PPP3CA: variants seen among roughly 807,000 people sequenced by gnomAD.
PPP3CA encodes protein phosphatase 3 catalytic subunit alpha, also known as CAM-PRP catalytic subunit.
Under a neutral mutation model 66.5 loss-of-function variants are expected in PPP3CA, and 14 were observed. The observed-to-expected ratio is 0.21, with a 90% CI of 0.14 to 0.33. The LOEUF (loss-of-function observed/expected upper bound fraction) is 0.33. Among genes scored for constraint, PPP3CA ranks in the 10% least tolerant of loss-of-function variants. PPP3CA has a pLI of 1.00. For synonymous variants in PPP3CA, 232 were observed against 226.2 expected (o/e 1.03, Z -0.23); for missense variants, 317 against 639.5 (o/e 0.50, Z 5.44).
At chr4:101,252,188 A>G (rs1726698955) in intron 1 of PPP3CA, among the ~76,000 whole-genome samples, 1 of 151,942 alleles carries the variant, frequency 6.6e-6, no homozygotes, top group African/African-American at 2.4e-5. Context: ...CAGAATTCAA[A>G]CTCTAGTTTG....
intron 1 of PPP3CA, among the ~76,000 whole-genome samples, chr4:101,284,446 AGCTTGTAACTT>A (rs1332907758): frequency 5.3e-5 from 8 of 152,196 alleles, no homozygotes; most frequent in Non-Finnish European, 1.0e-4. Context: ...ACACCCACAA[AGCTTGTAACTT>A]GCTTTTGTTT....
At chr4:101,332,608 T>A (rs1257318882) in intron 1 of PPP3CA, among the ~76,000 whole-genome samples, 2 of 152,208 alleles carry the variant, frequency 1.3e-5, no homozygotes, top group African/African-American at 4.8e-5. Flanking sequence ...GTAAAAAGCA[T>A]GTCTTTCAAA....
At chr4:101,295,942 T>C (rs1357070618) in intron 1 of PPP3CA, among the ~76,000 whole-genome samples, 2 of 152,224 alleles carry the variant, frequency 1.3e-5, no homozygotes, top group Non-Finnish European at 2.9e-5. Context: ...GATAAACTTC[T>C]TTGGAACTGT....
rs545921276 is a variant in PPP3CA, at chr4:101,056,690, G to A, written c.1156+4397C>T. 1.4e-3 allele frequency among the ~76,000 whole-genome samples: 210 copies of A among 152,210 alleles called. 1 individual carries two copies. Among genetic ancestry groups the A allele is most frequent in the African/African-American group, 4.8e-3 (201 of 41,536 alleles). ...AGTCTTTGGATGTCTTCTGATTTCTGCTTTGCCTTTTCAGGCAACAAATAA... is the reference window on the plus strand; with the variant it reads ...AGTCTTTGGATGTCTTCTGATTTCTACTTTGCCTTTTCAGGCAACAAATAA... On this transcript the variant is annotated intron_variant, in intron 10 of 13. Coordinates refer to ENST00000394854, the MANE Select transcript of PPP3CA (RefSeq NM_000944.5).
At chr4:101,267,659 T>C (rs1727211055) in intron 1 of PPP3CA, among the ~76,000 whole-genome samples, 2 of 151,796 alleles carry the variant, frequency 1.3e-5, no homozygotes, top group African/African-American at 4.8e-5. Flanking sequence ...TAGGGAAATG[T>C]GTCCAGGCAG....
chr4:101,225,544 T>G (rs1470455746), intron 1 of PPP3CA, among the ~76,000 whole-genome samples: 1 of 151,854 alleles, frequency 6.6e-6, no homozygotes, highest in Non-Finnish European at 1.5e-5. Flanking sequence ...TACACAGTTA[T>G]TTGGATTTTA....
At chr4:101,073,175 T>G (rs1267650602) in intron 8 of PPP3CA, among the ~76,000 whole-genome samples, 2 of 151,854 alleles carry the variant, frequency 1.3e-5, no homozygotes, top group Non-Finnish European at 2.9e-5. Flanking sequence ...CCTTGGGTTC[T>G]CTTCAGCCTT....
chr4:101,106,032 T>C (rs1448661908), intron 3 of PPP3CA, among the ~76,000 whole-genome samples: 1 of 152,092 alleles, frequency 6.6e-6, no homozygotes. Flanking sequence ...AGATTCTACA[T>C]AACCCAGGCC....
At chr4:101,027,073 G>A (rs1475114512) in intron 13 of PPP3CA, among the ~76,000 whole-genome samples, 1 of 152,136 alleles carries the variant, frequency 6.6e-6, no homozygotes, top group East Asian at 1.9e-4. Flanking sequence ...TCTTCAGTGA[G>A]TACACCAACT....
At chr4:101,233,916 C>T (rs1726044011) in intron 1 of PPP3CA, among the ~76,000 whole-genome samples, 1 of 151,622 alleles carries the variant, frequency 6.6e-6, no homozygotes, top group South Asian at 2.1e-4. Context: ...TCCCTCCTCT[C>T]ACCATCTGTC....
intron 1 of PPP3CA, among the ~76,000 whole-genome samples, chr4:101,230,355 T>TAA (rs143221508): frequency 3.3e-5 from 5 of 150,656 alleles, no homozygotes; most frequent in African/African-American, 9.7e-5. Context: ...ATCTTTAAAA[T>TAA]AAAAAAAAAT....
chr4:101,305,237 A>C, intron 1 of PPP3CA, among the ~76,000 whole-genome samples: 1 of 152,210 alleles, frequency 6.6e-6, no homozygotes, highest in Non-Finnish European at 1.5e-5. Flanking sequence ...CCTGGTTTTC[A>C]GGCGGTGTTT....
intron 2 of PPP3CA, 77 bp from the exon 3 acceptor site, chr4:101,109,155 G>C: frequency 7.1e-7 from 1 of 1,410,004 alleles, no homozygotes; most frequent in South Asian, 1.3e-5. Context: ...CAAAATTTTA[G>C]AACCAGAATT....
chr4:101,099,482 T>G, intron 4 of PPP3CA, 129 bp downstream of exon 4: 1 of 449,250 alleles, frequency 2.2e-6, no homozygotes, highest in Non-Finnish European at 3.9e-6. Flanking sequence ...AAATATAGGA[T>G]AATATGAAAG....
At chr4:101,216,784 C>G (rs147295127) in intron 1 of PPP3CA, among the ~76,000 whole-genome samples, 1 of 152,062 alleles carries the variant, frequency 6.6e-6, no homozygotes, top group Non-Finnish European at 1.5e-5. Context: ...CTCCTGGGCT[C>G]TCGCAATCAG....
chr4:101,153,387 T>C (rs1723206039), intron 2 of PPP3CA, among the ~76,000 whole-genome samples: 1 of 152,206 alleles, frequency 6.6e-6, no homozygotes, highest in Admixed American at 6.5e-5. Context: ...ATTACTATGT[T>C]TATTTCATCT....
At chr4:101,119,024 T>C (rs1721938774) in intron 2 of PPP3CA, among the ~76,000 whole-genome samples, 1 of 149,222 alleles carries the variant, frequency 6.7e-6, no homozygotes, top group Non-Finnish European at 1.5e-5. Flanking sequence ...GCTTGGCACA[T>C]GGTATGTACT....
chr4:101,191,546 G>C (rs965989264), intron 2 of PPP3CA, among the ~76,000 whole-genome samples: 6 of 152,088 alleles, frequency 3.9e-5, no homozygotes, highest in African/African-American at 1.4e-4. Context: ...TAAAGATTTG[G>C]CCACTAAAAT....
intron 1 of PPP3CA, among the ~76,000 whole-genome samples, chr4:101,290,857 A>C (rs564495818): frequency 1.5e-4 from 23 of 152,312 alleles, no homozygotes; most frequent in African/African-American, 5.3e-4. Context: ...GACATAACCC[A>C]ACTCCCTGGA....
Sources: gnomAD v4.1 joint callset for allele counts (sites outside exome capture counted in the v4.1 genomes callset) on GRCh38, gnomAD v4.1.1 for gene constraint, MANE v1.5 for transcripts, NCBI Gene and HGNC (gene_info 2026-07-23, HGNC 2026-07-21) for gene names.